Variants in RBFOX1 observed in about 807,000 individuals in gnomAD.
The protein encoded by RBFOX1 is RNA binding fox-1 homolog 1.
A neutral mutation model predicts 57.7 loss-of-function variants in RBFOX1; 8 were observed. That is an observed-to-expected ratio of 0.14 (90% CI 0.08 to 0.25). RBFOX1 has a LOEUF of 0.25. Ranked by LOEUF, RBFOX1 falls within the 10% of genes least tolerant of loss-of-function variation. RBFOX1 has a pLI of 1.00. For synonymous variants in RBFOX1, 326 were observed against 222.4 expected (o/e 1.47, Z -4.15); for missense variants, 611 against 548.5 (o/e 1.11, Z -1.14).
chr16:6,438,378 G>A (rs912526269), intron 2 of RBFOX1, among the ~76,000 whole-genome samples: 1 of 152,146 alleles, frequency 6.6e-6, no homozygotes, highest in African/African-American at 2.4e-5. Context: ...TACCTAAGAA[G>A]TGGTGGAGTT....
At chr16:5,486,654 GGTCTCA>G (rs2042637859) in intron 2 of RBFOX1, among the ~76,000 whole-genome samples, 1 of 152,150 alleles carries the variant, frequency 6.6e-6, no homozygotes, top group Non-Finnish European at 1.5e-5. Flanking sequence ...TTGTCCATCA[GGTCTCA>G]GTCTTGTGCC....
intron 4 of RBFOX1, chr16:7,304,191 G>C (rs1388001138): frequency 2.1e-6 from 2 of 971,042 alleles, no homozygotes; most frequent in Non-Finnish European, 2.4e-6. Flanking sequence ...GAGGAAAGAG[G>C]GGGAGAGAGA....
intron 2 of RBFOX1, among the ~76,000 whole-genome samples, chr16:5,490,614 G>A (rs1420457392): frequency 6.6e-6 from 1 of 152,144 alleles, no homozygotes; most frequent in Non-Finnish European, 1.5e-5. Flanking sequence ...GTGTGGCCCA[G>A]CCCTGCCTTG....
chr16:5,950,850 A>G (rs1198221289), intron 4 of RBFOX1, among the ~76,000 whole-genome samples: 1 of 152,084 alleles, frequency 6.6e-6, no homozygotes, highest in Non-Finnish European at 1.5e-5. Flanking sequence ...GCAGTGGTCC[A>G]AGTGCCAGGA....
intron 3 of RBFOX1, among the ~76,000 whole-genome samples, chr16:6,859,155 A>ATATATATACATATATATATATG (rs2058511791): frequency 1.2e-4 from 7 of 60,244 alleles, no homozygotes; most frequent in Non-Finnish European, 2.4e-4. Context: ...ATATATATGT[A>ATATATATACATATATATATATG]TATATATACG....
At chr16:7,370,116 A>G (rs1204193627) in intron 4 of RBFOX1, among the ~76,000 whole-genome samples, 1 of 152,178 alleles carries the variant, frequency 6.6e-6, no homozygotes. Flanking sequence ...TTCCCTGTGT[A>G]CTGTAGGACA....
In RBFOX1 at chr16:6,020,392, C is replaced by T. The variant is rs553294678; in HGVS notation, c.-127+400C>T. Among the ~76,000 whole-genome samples the T allele has an allele frequency of 3.9e-5, 6 of 152,284 alleles. No individual in the cohort carries two copies. The South Asian group carries it at 6.2e-4, about 16-fold the overall frequency. On this transcript the variant is annotated intron_variant, in intron 1 of 15. Transcript: ENST00000550418. ...ACTCAGCGCGCCCCCGGACCGCTGCCTCCGCCCGCAGGGTGTGCAGGAGGA... is the reference window on the plus strand; with the variant it reads ...ACTCAGCGCGCCCCCGGACCGCTGCTTCCGCCCGCAGGGTGTGCAGGAGGA...
intron 3 of RBFOX1, among the ~76,000 whole-genome samples, chr16:6,972,255 C>G (rs1301667179): frequency 6.6e-6 from 1 of 152,062 alleles, no homozygotes; most frequent in East Asian, 1.9e-4. Context: ...TCCCCTTTCT[C>G]CCTCTCCCCA....
intron 3 of RBFOX1, among the ~76,000 whole-genome samples, chr16:6,825,089 C>G (rs568023523): frequency 1.8e-4 from 26 of 143,362 alleles, no homozygotes; most frequent in African/African-American, 6.2e-4. Context: ...CCCTGTCACC[C>G]TGGTTCAAAC....
chr16:7,417,521 C>A (rs1256011184), intron 4 of RBFOX1, among the ~76,000 whole-genome samples: 1 of 88,754 alleles, frequency 1.1e-5, no homozygotes, highest in South Asian at 4.0e-4. Flanking sequence ...ACCAGCTTCA[C>A]ATGGTATTGT....
intron 3 of RBFOX1, among the ~76,000 whole-genome samples, chr16:6,894,620 T>A (rs998495019): frequency 2.0e-5 from 3 of 152,184 alleles, no homozygotes; most frequent in Admixed American, 2.0e-4. Context: ...CGTGACAGTT[T>A]TAAACTGACA....
intron 3 of RBFOX1, among the ~76,000 whole-genome samples, chr16:5,830,605 G>C (rs2056230936): frequency 6.6e-6 from 1 of 152,138 alleles, no homozygotes; most frequent in African/African-American, 2.4e-5. Context: ...TGTGATCTGG[G>C]AGGTGAGAAA....
intron 4 of RBFOX1, among the ~76,000 whole-genome samples, chr16:7,476,767 G>A (rs866970381): frequency 2.2e-4 from 34 of 152,300 alleles, no homozygotes; most frequent in African/African-American, 7.2e-4. Context: ...ACAAGGGGAT[G>A]TCAGTAGGAT....
At chr16:6,209,999 A>G (rs2097282550) in intron 1 of RBFOX1, among the ~76,000 whole-genome samples, 1 of 151,916 alleles carries the variant, frequency 6.6e-6, no homozygotes, top group Admixed American at 6.6e-5. Context: ...TTTCTTCTCC[A>G]TCTAGGAACA....
intron 2 of RBFOX1, among the ~76,000 whole-genome samples, chr16:6,359,778 A>G (rs2088088348): frequency 6.6e-6 from 1 of 152,188 alleles, no homozygotes; most frequent in Admixed American, 6.5e-5. Flanking sequence ...CAGCCGACTT[A>G]CTGTGTTTGC....
chr16:6,971,486 A>G (rs2085528544), intron 3 of RBFOX1, among the ~76,000 whole-genome samples: 1 of 138,528 alleles, frequency 7.2e-6, no homozygotes, highest in African/African-American at 2.5e-5. Context: ...TTGCAATATG[A>G]AGAGAGAGAG....
chr16:5,718,345 A>T (rs1014801980), intron 3 of RBFOX1, among the ~76,000 whole-genome samples: 5 of 152,216 alleles, frequency 3.3e-5, no homozygotes. Flanking sequence ...AGCCCAGCCT[A>T]AGTCATCCAA....
intron 4 of RBFOX1, among the ~76,000 whole-genome samples, chr16:7,320,396 A>G (rs1021428331): frequency 1.3e-5 from 2 of 152,182 alleles, no homozygotes; most frequent in African/African-American, 4.8e-5. Flanking sequence ...TGTCCCTGCA[A>G]AAGACATGAT....
intron 2 of RBFOX1, among the ~76,000 whole-genome samples, chr16:6,515,095 G>A (rs540877291): frequency 3.4e-4 from 52 of 152,064 alleles, no homozygotes; most frequent in African/African-American, 9.6e-4. Context: ...AGGAGAGAAG[G>A]AGAGAAGAAA....
Sources: allele counts gnomAD v4.1 joint callset (sites outside exome capture counted in the v4.1 genomes callset), GRCh38; gene constraint gnomAD v4.1.1; transcripts MANE v1.5; gene names NCBI Gene and HGNC (gene_info 2026-07-23, HGNC 2026-07-21).